PRR16: variants seen among roughly 807,000 people sequenced by gnomAD.
PRR16 encodes protein Largen.
PRR16 carries 6 observed loss-of-function variants against 18.2 expected under a neutral mutation model. That is an observed-to-expected ratio of 0.33 (90% confidence interval 0.18 to 0.65). The LOEUF (loss-of-function observed/expected upper bound fraction) is 0.65. Among genes scored for constraint, PRR16 ranks in the 30% least tolerant of loss-of-function variants. The probability of loss-of-function intolerance (pLI) is 0.74; values close to 1 mark genes in which losing one functional copy is unlikely to be tolerated. For missense variants in PRR16, 412 were observed against 376.6 expected, an observed-to-expected ratio of 1.09 and a Z score of -0.78; for synonymous variants, 151 against 147.8, an observed-to-expected ratio of 1.02 and a Z score of -0.16.
the PRR16 span, among the ~76,000 whole-genome samples, chr5:120,706,727 A>T: frequency 2.0e-5 from 3 of 152,212 alleles, no homozygotes; most frequent in Non-Finnish European, 4.4e-5. Flanking sequence ...GGACAGGTTA[A>T]ACAGACAAGA....
At chr5:120,593,660 A>G (rs560220833) in intron 1 of PRR16, among the ~76,000 whole-genome samples, 1 of 152,278 alleles carries the variant, frequency 6.6e-6, no homozygotes, top group African/African-American at 2.4e-5. Flanking sequence ...CCATGAGGCC[A>G]GCACCATCCT....
At position 120,547,103 on chromosome 5, in the gene PRR16, G is replaced by A. The variant is rs1752099040; in HGVS notation, c.159+82458G>A. Among the ~76,000 whole-genome samples the A allele has an allele frequency of 2.6e-5, 4 of 151,946 alleles. No individual in the cohort carries two copies. The South Asian group carries it at 8.3e-4, about 31-fold the overall frequency. The stretch of plus-strand genomic sequence containing the variant: ...CATGGTGCTGGAGGGAAGTGGGAGT[G>A]TCTTCATGTTAATGAGCAGTTAGGG... On this transcript the variant is annotated intron_variant, in intron 1 of 1. Transcript: ENST00000407149.
At chr5:120,548,306 A>G (rs1752137392) in intron 1 of PRR16, among the ~76,000 whole-genome samples, 1 of 152,090 alleles carries the variant, frequency 6.6e-6, no homozygotes, top group Non-Finnish European at 1.5e-5. Flanking sequence ...TTGGAGGTAG[A>G]TATGTCAATG....
the PRR16 span, among the ~76,000 whole-genome samples, chr5:120,748,742 C>T: frequency 6.6e-6 from 1 of 151,770 alleles, no homozygotes. Context: ...GTCATAAATC[C>T]TTGAGGGAGA....
At chr5:120,469,498 T>G (rs916098167) in intron 1 of PRR16, among the ~76,000 whole-genome samples, 1 of 95,590 alleles carries the variant, frequency 1.0e-5, no homozygotes, top group Non-Finnish European at 2.4e-5. Flanking sequence ...AATTTTTAAT[T>G]TTTTTTTTTT....
chr5:120,658,780 A>T (rs1408383228), intron 1 of PRR16, among the ~76,000 whole-genome samples: 1 of 151,932 alleles, frequency 6.6e-6, no homozygotes, highest in African/African-American at 2.4e-5. Context: ...TGAGAGTGAA[A>T]TCATATTTAA....
intron 1 of PRR16, among the ~76,000 whole-genome samples, chr5:120,544,726 G>A (rs912902336): frequency 6.6e-6 from 1 of 152,032 alleles, no homozygotes; most frequent in Non-Finnish European, 1.5e-5. Flanking sequence ...TTTTTGTAGA[G>A]ATAGGGTCTC....
At chr5:120,655,753 A>G (rs1230336821) in intron 1 of PRR16, among the ~76,000 whole-genome samples, 2 of 149,802 alleles carry the variant, frequency 1.3e-5, no homozygotes, top group Non-Finnish European at 3.0e-5. Context: ...TTTTTTCTGA[A>G]TGCAACCCAT....
intron 1 of PRR16, among the ~76,000 whole-genome samples, chr5:120,655,550 C>G (rs1395286782): frequency 1.3e-5 from 2 of 151,548 alleles, no homozygotes; most frequent in African/African-American, 2.4e-5. Flanking sequence ...ATCTGATAAC[C>G]AAATTTAGTG....
At chr5:120,515,098 A>G (rs1750945487) in intron 1 of PRR16, among the ~76,000 whole-genome samples, 1 of 152,214 alleles carries the variant, frequency 6.6e-6, no homozygotes, top group Non-Finnish European at 1.5e-5. Context: ...GAGAAGGCCA[A>G]GATCAAGTGC....
the PRR16 span, among the ~76,000 whole-genome samples, chr5:120,787,067 T>C: frequency 1.3e-5 from 2 of 152,172 alleles, no homozygotes; most frequent in Non-Finnish European, 2.9e-5. Context: ...GGCATTTCCA[T>C]AGAGAATGCT....
chr5:120,667,821 C>T (rs1486974642), intron 1 of PRR16, among the ~76,000 whole-genome samples: 11 of 151,994 alleles, frequency 7.2e-5, no homozygotes, highest in Non-Finnish European at 1.5e-4. Flanking sequence ...TCTGAGAGAC[C>T]GTTTGTTATA....
At chr5:120,709,947 T>C in the PRR16 span, among the ~76,000 whole-genome samples, 1 of 152,232 alleles carries the variant, frequency 6.6e-6, no homozygotes, top group Non-Finnish European at 1.5e-5. Flanking sequence ...GGAGCATAGA[T>C]ATGTCTTCAA....
At chr5:120,521,041 A>C (rs1424807092) in intron 1 of PRR16, among the ~76,000 whole-genome samples, 3 of 152,156 alleles carry the variant, frequency 2.0e-5, no homozygotes, top group African/African-American at 7.2e-5. Flanking sequence ...ACTGTGTTGT[A>C]TTTGCGACGG....
Position 120,618,259 on chromosome 5 carries a change from G to T in PRR16, c.160-67695G>T, listed in dbSNP as rs189036326. On this transcript the variant is annotated intron_variant, in intron 1 of 1. Coordinates refer to ENST00000407149, the MANE Select transcript of PRR16 (RefSeq NM_001300783.2). ...TACAATTACTGTTTTTCTTTAATCAGTTGCATTCTTTTGTCATGCATTTGA... is the reference window on the plus strand; with the variant it reads ...TACAATTACTGTTTTTCTTTAATCATTTGCATTCTTTTGTCATGCATTTGA... Among the ~76,000 whole-genome samples the T allele has an allele frequency of 1.2e-4, 18 of 151,988 alleles. 1 individual carries two copies. Among genetic ancestry groups the T allele is most frequent in the Non-Finnish European group, 2.5e-4 (17 of 67,950 alleles).
the PRR16 span, among the ~76,000 whole-genome samples, chr5:120,736,633 A>T: frequency 1.5e-5 from 2 of 137,666 alleles, no homozygotes; most frequent in African/African-American, 5.5e-5. Context: ...AAAAACTGTC[A>T]TTGGGATTTT....
intron 1 of PRR16, among the ~76,000 whole-genome samples, chr5:120,672,250 GT>G (rs1756634682): frequency 6.6e-6 from 1 of 150,780 alleles, no homozygotes; most frequent in South Asian, 2.1e-4. Flanking sequence ...GTGTGTGTGT[GT>G]GTGTGTGTGT....
chr5:120,724,919 TA>T, the PRR16 span, among the ~76,000 whole-genome samples: 1 of 151,828 alleles, frequency 6.6e-6, no homozygotes, highest in South Asian at 2.1e-4. Flanking sequence ...ATATGAAAAT[TA>T]AAAAAAATAT....
the PRR16 span, among the ~76,000 whole-genome samples, chr5:120,753,595 A>G: frequency 1.3e-5 from 2 of 151,384 alleles, no homozygotes; most frequent in Admixed American, 6.6e-5. Flanking sequence ...TCAGTGTGAG[A>G]ATGGTGACAA....
Sources: gnomAD v4.1 joint callset for allele counts (sites outside exome capture counted in the v4.1 genomes callset) on GRCh38, gnomAD v4.1.1 for gene constraint, MANE v1.5 for transcripts, NCBI Gene and HGNC (gene_info 2026-07-23, HGNC 2026-07-21) for gene names.